Variants in ABL1 observed in about 807,000 individuals in gnomAD.
The protein encoded by ABL1 is tyrosine-protein kinase ABL1.
Under a neutral mutation model 94.7 loss-of-function variants are expected in ABL1, and 11 were observed. That is an observed-to-expected ratio of 0.12 (90% CI 0.07 to 0.19). The LOEUF (loss-of-function observed/expected upper bound fraction) is 0.19, where lower values mean the gene tolerates loss of function less well. Among genes scored for constraint, ABL1 ranks in the 10% least tolerant of loss-of-function variants. The probability of loss-of-function intolerance (pLI) is 1.00; values close to 1 mark genes in which losing one functional copy is unlikely to be tolerated. For synonymous variants in ABL1, 656 were observed against 622.4 expected, an observed-to-expected ratio of 1.05 and a Z score of -0.80; for missense variants, 1,082 against 1,489.4, an observed-to-expected ratio of 0.73 and a Z score of 4.50.
intron 1 of ABL1, among the ~76,000 whole-genome samples, chr9:130,802,079 A>ATT (rs2132832266): frequency 7.5e-6 from 1 of 133,364 alleles, no homozygotes; most frequent in East Asian, 2.1e-4. Context: ...GAGTCTGTTC[A>ATT]TTTTTTTCCT....
chr9:130,853,023 A>G (rs1830899783), intron 1 of ABL1, among the ~76,000 whole-genome samples: 1 of 152,106 alleles, frequency 6.6e-6, no homozygotes, highest in Non-Finnish European at 1.5e-5. Flanking sequence ...TGCGTCTGTT[A>G]CGGAGAATAG....
intron 4 of ABL1, among the ~76,000 whole-genome samples, chr9:130,871,849 G>T (rs1400657423): frequency 2.0e-5 from 3 of 152,248 alleles, no homozygotes; most frequent in African/African-American, 7.2e-5. Context: ...CATGTGGCCT[G>T]CCTAGCAGGC....
chr9:130,820,482 C>A (rs145288580), intron 1 of ABL1, among the ~76,000 whole-genome samples: 71 of 152,302 alleles, frequency 4.7e-4, no homozygotes, highest in African/African-American at 1.6e-3. Flanking sequence ...CTCCCCACTC[C>A]CACCCAGTCT....
intron 1 of ABL1, among the ~76,000 whole-genome samples, chr9:130,747,898 T>C (rs1366009186): frequency 1.3e-5 from 2 of 152,210 alleles, no homozygotes; most frequent in African/African-American, 4.8e-5. Flanking sequence ...TTTAGCCTAC[T>C]ACACTTGGCT....
chr9:130,735,332 A>C (rs112593212), intron 1 of ABL1, among the ~76,000 whole-genome samples: 55 of 152,290 alleles, frequency 3.6e-4, no homozygotes, highest in African/African-American at 1.3e-3. Context: ...GCTAGGCCTA[A>C]ATTGAACACT....
exon 1 of ABL1, among the ~76,000 whole-genome samples, chr9:130,713,769 C>T (rs1831400307): frequency 6.6e-6 from 1 of 152,198 alleles, no homozygotes; most frequent in Non-Finnish European, 1.5e-5. Context: ...CGAGGGCAAA[C>T]TCGCTGAAAT....
Position 130,872,408 on chromosome 9 carries a change from T to C in ABL1, c.907+195T>C, listed in dbSNP as rs1831267422. Among the ~76,000 whole-genome samples, 1 of 152,236 alleles carries C rather than the reference T, an allele frequency of 6.6e-6. No homozygotes were observed. Among genetic ancestry groups the C allele is most frequent in the Admixed American group, 6.5e-5 (1 of 15,288 alleles). ...GCGTGTGTGCACATATGCACATGTA[T>C]GTATGAGAGGGAGAATGTGATTATT... is the stretch of plus-strand genomic sequence containing the variant. On this transcript the variant is annotated intron_variant, in intron 5 of 10. Coordinates refer to ENST00000318560, the MANE Select transcript of ABL1 (RefSeq NM_005157.6). This position sits in a 1 kb window ranked among gnomAD's most constrained non-coding sequence, Gnocchi z 5.0.
intron 1 of ABL1, among the ~76,000 whole-genome samples, chr9:130,761,818 T>G (rs1832118646): frequency 1.3e-5 from 2 of 152,158 alleles, no homozygotes; most frequent in African/African-American, 4.8e-5. Flanking sequence ...ATTCATCACA[T>G]TACAAAATAA....
intron 1 of ABL1, among the ~76,000 whole-genome samples, chr9:130,745,287 T>G (rs1831874549): frequency 6.6e-6 from 1 of 152,076 alleles, no homozygotes; most frequent in African/African-American, 2.4e-5. Flanking sequence ...TTTCTCCATG[T>G]TGGTCAAGCT....
chr9:130,882,221 G>A (rs528380652), intron 10 of ABL1, among the ~76,000 whole-genome samples: 139 of 152,246 alleles, frequency 9.1e-4, no homozygotes, highest in Middle Eastern at 3.4e-3. Flanking sequence ...ATTTACGCCC[G>A]TCAGTTTCAT....
In ABL1 at chr9:130,791,824, C is replaced by A. The variant is rs566651212; in HGVS notation, c.137-62240C>A. Among the ~76,000 whole-genome samples, 24 of 152,246 alleles carry A rather than the reference C, an allele frequency of 1.6e-4. No individual in the cohort carries two copies. The South Asian group carries it at 5.0e-3, about 32-fold the overall frequency. On this transcript the variant is annotated intron_variant, in intron 1 of 10. Transcript: ENST00000372348. The stretch of plus-strand genomic sequence containing the variant: ...GAGCTCTCTTTCCCGGCTTGCAGAC[C>A]TCATATCGTGGGACTTTGCCTTGTA...
chr9:130,748,702 A>G (rs1267650566), intron 1 of ABL1, among the ~76,000 whole-genome samples: 4 of 152,008 alleles, frequency 2.6e-5, no homozygotes, highest in Non-Finnish European at 5.9e-5. Flanking sequence ...CAGCCTCCCA[A>G]GTAGCTGGGA....
At chr9:130,855,784 C>G (rs985967355) in intron 3 of ABL1, among the ~76,000 whole-genome samples, 7 of 152,292 alleles carry the variant, frequency 4.6e-5, no homozygotes, top group Middle Eastern at 6.8e-3. Context: ...GAAAGGGAGG[C>G]ATAAAGAGAT....
At chr9:130,714,612 AG>A in intron 1 of ABL1, 1 of 1,013,900 alleles carries the variant, frequency 9.9e-7, no homozygotes. Context: ...TCTTTGTATA[AG>A]AAAAAGTTAC....
intron 1 of ABL1, among the ~76,000 whole-genome samples, chr9:130,843,297 T>A (rs1588263096): frequency 1.3e-5 from 2 of 152,148 alleles, no homozygotes; most frequent in South Asian, 4.1e-4. Flanking sequence ...AGGCGTGGCA[T>A]AAGAGAAGAC....
intron 1 of ABL1, among the ~76,000 whole-genome samples, chr9:130,745,713 T>G (rs1831879900): frequency 6.6e-6 from 1 of 152,148 alleles, no homozygotes; most frequent in Non-Finnish European, 1.5e-5. Flanking sequence ...GGAAAATGTT[T>G]ATCAGTGTTG....
chr9:130,803,527 G>GT, intron 1 of ABL1, among the ~76,000 whole-genome samples: 1 of 152,214 alleles, frequency 6.6e-6, no homozygotes, highest in Non-Finnish European at 1.5e-5. Context: ...TTATAGAGAT[G>GT]TAACTTTAAA....
At chr9:130,858,908 C>T (rs550422832) in intron 3 of ABL1, among the ~76,000 whole-genome samples, 1 of 152,218 alleles carries the variant, frequency 6.6e-6, no homozygotes, top group African/African-American at 2.4e-5. Flanking sequence ...TTCAGCAGCC[C>T]TTGTGGGTCA....
intron 7 of ABL1, 143 bp from the exon 8 acceptor site, chr9:130,878,272 A>G (rs1831386560): frequency 1.0e-6 from 1 of 972,540 alleles, no homozygotes; most frequent in Non-Finnish European, 1.6e-6. Context: ...TTCTGATGAT[A>G]AAGAGCCTGG....
Sources: gnomAD v4.1 joint callset for allele counts (sites outside exome capture counted in the v4.1 genomes callset) on GRCh38, gnomAD v4.1.1 for gene constraint, Gnocchi (gnomAD v3.1) non-coding constraint, MANE v1.5 for transcripts, NCBI Gene and HGNC (gene_info 2026-07-23, HGNC 2026-07-21) for gene names.